Variants in MYH14 observed in about 807,000 individuals in gnomAD.
MYH14 encodes the protein myosin heavy chain 14.
In MYH14, 123 loss-of-function variants were observed where a neutral mutation model predicts 255.5. The ratio of observed to expected loss-of-function variants is 0.48; its 90% CI spans 0.42 to 0.56. MYH14 has a LOEUF of 0.56. Ranked by LOEUF, MYH14 falls within the 20% of genes least tolerant of loss-of-function variation. The pLI, the probability that MYH14 is intolerant of heterozygous loss-of-function variation, is 0.00. For missense variants in MYH14, 2,423 were observed against 2,802.3 expected (o/e 0.86, Z 3.06); for synonymous variants, 1,095 against 1,161.2 (o/e 0.94, Z 1.16).
rs11881795 is a variant in MYH14, at chr19:50,283,799, C to T, written c.4539+1957C>T. Among the ~76,000 whole-genome samples, 215 of 152,286 alleles carry T rather than the reference C, an allele frequency of 1.4e-3. 2 individuals are homozygous for T. Among genetic ancestry groups the T allele is most frequent in the African/African-American group, 4.7e-3 (195 of 41,560 alleles). Reference sequence around the variant, plus strand: ...TTGAAAATTCTTTATGGGCCGGGCACGGTGGCTCATGCCTGGTAATCCCAG... The same window carrying T: ...TTGAAAATTCTTTATGGGCCGGGCATGGTGGCTCATGCCTGGTAATCCCAG... On this transcript the variant is annotated intron_variant, in intron 33 of 42. Coordinates refer to ENST00000642316, the MANE Select transcript of MYH14 (RefSeq NM_001145809.2).
At chr19:50,246,781 G>A (rs542279760) in intron 11 of MYH14, among the ~76,000 whole-genome samples, 26 of 152,276 alleles carry the variant, frequency 1.7e-4, no homozygotes, top group Non-Finnish European at 2.5e-4. Flanking sequence ...CTTGTGGCAC[G>A]GTCTTTGCTC....
chr19:50,259,611 G>C (rs2034746578), intron 19 of MYH14, among the ~76,000 whole-genome samples: 1 of 152,214 alleles, frequency 6.6e-6, no homozygotes, highest in African/African-American at 2.4e-5. Flanking sequence ...GGGCGCGGTG[G>C]CTCACGCCTG....
intron 10 of MYH14, among the ~76,000 whole-genome samples, chr19:50,234,774 C>T (rs1032322843): frequency 7.9e-5 from 12 of 152,096 alleles, no homozygotes; most frequent in Admixed American, 3.9e-4. Context: ...GTGTGGCAGG[C>T]GCAGGCAGCA....
intron 39 of MYH14, among the ~76,000 whole-genome samples, 173 bp from the exon 40 acceptor site, chr19:50,301,488 A>G (rs1404143383): frequency 6.6e-6 from 1 of 152,228 alleles, no homozygotes; most frequent in Non-Finnish European, 1.5e-5. Flanking sequence ...ACAAGTCAAT[A>G]AACTATTAAT....
chr19:50,242,840 C>T (rs2033944317), intron 10 of MYH14, among the ~76,000 whole-genome samples: 1 of 152,066 alleles, frequency 6.6e-6, no homozygotes, highest in Non-Finnish European at 1.5e-5. Flanking sequence ...TGGTGTTCTG[C>T]CTTCTGGTTT....
chr19:50,293,341 G>T lies in MYH14; in HGVS notation c.5345+20G>T. The T allele has an allele frequency of 6.3e-7, 1 of 1,579,708 alleles. No individual in the cohort carries two copies. ...TAGCAAGTAAGTGCCCCAAGGGTCT[G>T]AAGGCTGAGGTACTGCGTCTGCAGG... On this transcript the variant is annotated intron_variant, in intron 38 of 42. Coordinates refer to ENST00000642316, the MANE Select transcript of MYH14 (RefSeq NM_001145809.2). This position sits in a 1 kb window ranked among gnomAD's most constrained non-coding sequence, Gnocchi z 4.1.
chr19:50,268,038 C>G, intron 23 of MYH14, 123 bp from the exon 24 acceptor site: 1 of 1,261,764 alleles, frequency 7.9e-7, no homozygotes, highest in Non-Finnish European at 1.1e-6. Flanking sequence ...CCGTGTCCTC[C>G]TGCCCCTCAG....
chr19:50,232,846 G>T (rs900581973), intron 10 of MYH14, among the ~76,000 whole-genome samples: 1 of 152,118 alleles, frequency 6.6e-6, no homozygotes, highest in African/African-American at 2.4e-5. Context: ...GACACTTCTG[G>T]TGGTGGAGCT....
At chr19:50,265,356 A>AC (rs1010363280) in intron 22 of MYH14, among the ~76,000 whole-genome samples, 9 of 151,774 alleles carry the variant, frequency 5.9e-5, no homozygotes, top group African/African-American at 1.9e-4. Flanking sequence ...CTACAAAAAA[A>AC]AAAAAAACAA....
intron 40 of MYH14, among the ~76,000 whole-genome samples, chr19:50,304,693 C>A (rs1017272973): frequency 6.6e-6 from 1 of 152,152 alleles, no homozygotes; most frequent in African/African-American, 2.4e-5. Context: ...ATGTCTAATA[C>A]CATGTCTGGT....
At chr19:50,287,537 C>T (rs762286790) in intron 34 of MYH14, among the ~76,000 whole-genome samples, 3 of 152,140 alleles carry the variant, frequency 2.0e-5, no homozygotes, top group Admixed American at 6.6e-5. Flanking sequence ...CTCAGTCTCC[C>T]GAGTAGCAGA....
At chr19:50,228,773 C>T (rs1484920856) in intron 8 of MYH14, among the ~76,000 whole-genome samples, 1 of 152,210 alleles carries the variant, frequency 6.6e-6, no homozygotes, top group East Asian at 1.9e-4. Context: ...CTCCTGTCCA[C>T]GCTCCCCATG....
In MYH14 at chr19:50,266,245, C is replaced by T. The variant is rs1262745334; in HGVS notation, c.2695-632C>T. Among the ~76,000 whole-genome samples, 1 of 152,216 alleles carries T rather than the reference C, an allele frequency of 6.6e-6. No individual in the cohort carries two copies. The highest frequency in any genetic ancestry group is 6.5e-5 in the Admixed American group (1 of 15,288). On this transcript the variant is annotated intron_variant, in intron 22 of 42. Transcript: ENST00000642316. The surrounding 1 kb of genome is among the most constrained non-coding windows in gnomAD (Gnocchi z 4.1). ...TGTAAAGCTCATCTCTCACTAAGGACCTTGGACTAACAGGCTTAAGAAACA... is the reference window on the plus strand; with the variant it reads ...TGTAAAGCTCATCTCTCACTAAGGATCTTGGACTAACAGGCTTAAGAAACA...
chr19:50,294,304 G>C (rs1277907151), intron 39 of MYH14, among the ~76,000 whole-genome samples: 2 of 151,330 alleles, frequency 1.3e-5, no homozygotes, highest in African/African-American at 4.8e-5. Flanking sequence ...GGCCATCAGA[G>C]AAGGCTTCCT....
chr19:50,263,635 G>A (rs1414814324), intron 22 of MYH14, among the ~76,000 whole-genome samples: 3 of 152,174 alleles, frequency 2.0e-5, no homozygotes, highest in Admixed American at 6.5e-5. Context: ...TCAAGACAAT[G>A]TGGGCTGCAC....
chr19:50,304,122 A>G (rs1025821643), intron 40 of MYH14, among the ~76,000 whole-genome samples: 3 of 152,222 alleles, frequency 2.0e-5, no homozygotes, highest in African/African-American at 4.8e-5. Flanking sequence ...GACCATTGTT[A>G]TCCTATTTTG....
In MYH14 at chr19:50,286,708, C is replaced by T; in HGVS notation, c.4752+14C>T. 1 of 1,558,726 alleles carries T rather than the reference C, an allele frequency of 6.4e-7. No homozygotes were observed. On this transcript the variant is annotated intron_variant, in intron 34 of 42. Transcript: ENST00000642316. ...GTCGGCAAGAGCGTGAGCAGGGCCC[C>T]CGCTCCCCGGGACACACTGGGTGAG...
Position 50,272,668 on chromosome 19 carries a change from G to A in MYH14, c.3404G>A (p.Arg1135Gln), listed in dbSNP as rs369620344. Reference sequence around the variant, plus strand: ...GAGCAGATGGTGGAGCAGCAACAGCGGGCAGAGGAGCTGCGGGCCCAGCTG... The same window carrying A: ...GAGCAGATGGTGGAGCAGCAACAGCAGGCAGAGGAGCTGCGGGCCCAGCTG... ...LQEQMVEQQQRAEELRAQLGR... is the reference protein window; with the variant it reads ...LQEQMVEQQQQAEELRAQLGR... Residue 1135 changes from arginine to glutamine, a missense_variant, in exon 27 of 43, where the codon CGG becomes CAG. Arg to Gln is a conservative substitution (Grantham distance 43, BLOSUM62 1). Transcript: ENST00000642316. The A allele has an allele frequency of 1.7e-4, 257 of 1,557,048 alleles. No individual in the cohort carries two copies. The highest frequency in any genetic ancestry group is 2.7e-4 in the Admixed American group (14 of 51,462).
chr19:50,304,906 C>T (rs2036606518), intron 40 of MYH14, among the ~76,000 whole-genome samples: 1 of 152,092 alleles, frequency 6.6e-6, no homozygotes, highest in Admixed American at 6.6e-5. Flanking sequence ...AGTCAGTTGG[C>T]AGCTTTGTGG....
Sources: gnomAD v4.1 joint callset for allele counts (sites outside exome capture counted in the v4.1 genomes callset) on GRCh38, gnomAD v4.1.1 for gene constraint, Gnocchi (gnomAD v3.1) non-coding constraint, MANE v1.5 for transcripts, NCBI Gene and HGNC (gene_info 2026-07-23, HGNC 2026-07-21) for gene names.